ADGRB3: variants seen among roughly 807,000 people sequenced by gnomAD.
The protein encoded by ADGRB3 is adhesion G protein-coupled receptor B3.
A neutral mutation model predicts 193.4 loss-of-function variants in ADGRB3; 37 were observed. That is an observed-to-expected ratio of 0.19 (90% CI 0.15 to 0.25). The LOEUF (loss-of-function observed/expected upper bound fraction) is 0.25, where lower values mean the gene tolerates loss of function less well. ADGRB3 is among the 10% of genes least tolerant of loss of function. The pLI is 1.00. For missense variants in ADGRB3, 1,637 were observed against 1,852.9 expected (o/e 0.88, Z 2.14); for synonymous variants, 690 against 644.2 (o/e 1.07, Z -1.08).
chr6:69,098,363 T>C (rs775868498), intron 17 of ADGRB3, among the ~76,000 whole-genome samples: 14 of 152,172 alleles, frequency 9.2e-5, no homozygotes, highest in Non-Finnish European at 1.3e-4. Flanking sequence ...TATAAACTTA[T>C]TATGTATTAA....
Position 68,717,608 on chromosome 6 carries a change from A to G in ADGRB3, c.757+78176A>G, listed in dbSNP as rs1765509442. Among the ~76,000 whole-genome samples, 3 of 150,638 alleles carry G rather than the reference A, an allele frequency of 2.0e-5. No individual in the cohort carries two copies. The Admixed American group carries it at 2.0e-4, about 10-fold the overall frequency. On this transcript the variant is annotated intron_variant, in intron 3 of 31. Transcript: ENST00000370598. ...GTACTGGGAAAGCGCTGGAAGCACC[A>G]TTTTTTTTTAAGAATTTCATGTACT...
At chr6:68,674,034 A>C (rs1475394655) in intron 3 of ADGRB3, among the ~76,000 whole-genome samples, 1 of 152,172 alleles carries the variant, frequency 6.6e-6, no homozygotes, top group African/African-American at 2.4e-5. Context: ...CCAAAGCCAA[A>C]GTCATTTCTA....
chr6:68,810,434 A>T (rs917505283), intron 3 of ADGRB3, among the ~76,000 whole-genome samples: 1 of 152,190 alleles, frequency 6.6e-6, no homozygotes, highest in Admixed American at 6.5e-5. Context: ...GCTTTTCAAA[A>T]TATGGTTCAG....
chr6:69,316,033 AT>A (rs534955041), intron 20 of ADGRB3, among the ~76,000 whole-genome samples: 3 of 151,138 alleles, frequency 2.0e-5, no homozygotes, highest in African/African-American at 4.8e-5. Context: ...TATCCCATTA[AT>A]TTTTTTATAT....
At chr6:69,097,347 A>G (rs528967344) in intron 17 of ADGRB3, among the ~76,000 whole-genome samples, 1 of 152,324 alleles carries the variant, frequency 6.6e-6, no homozygotes, top group African/African-American at 2.4e-5. Flanking sequence ...GTATTTTTTA[A>G]CTATCTGCTA....
intron 3 of ADGRB3, among the ~76,000 whole-genome samples, chr6:68,738,660 A>T (rs1287422220): frequency 1.3e-5 from 2 of 152,198 alleles, no homozygotes; most frequent in Non-Finnish European, 2.9e-5. Flanking sequence ...ACTGACGTTA[A>T]GGTTTTTGGC....
intron 17 of ADGRB3, among the ~76,000 whole-genome samples, chr6:69,214,714 C>T (rs891694235): frequency 5.3e-5 from 8 of 151,664 alleles, no homozygotes; most frequent in Admixed American, 4.6e-4. Context: ...CACAATTGCC[C>T]ATGTCTCAGT....
In ADGRB3 at chr6:69,102,936, A is replaced by G. The variant is rs1773105644; in HGVS notation, c.2480+26898A>G. Among the ~76,000 whole-genome samples the G allele has an allele frequency of 2.6e-5, 4 of 152,216 alleles. No homozygotes were observed. In the South Asian group the frequency reaches 8.3e-4, roughly 32 times the overall value. On this transcript the variant is annotated intron_variant, in intron 17 of 31. Transcript: ENST00000370598. ...TGTTGTAAGAATAGACAACCATAGA[A>G]TCAAAAGTGTAATTTACTTCATTCT...
At chr6:69,204,748 T>C (rs1372310197) in intron 17 of ADGRB3, among the ~76,000 whole-genome samples, 2 of 152,192 alleles carry the variant, frequency 1.3e-5, no homozygotes, top group Non-Finnish European at 2.9e-5. Context: ...ATTGTTGGGT[T>C]CTTTTTTTCT....
intron 17 of ADGRB3, among the ~76,000 whole-genome samples, chr6:69,195,704 GT>G (rs895185254): frequency 3.3e-5 from 5 of 149,346 alleles, no homozygotes; most frequent in East Asian, 3.9e-4. Flanking sequence ...AATACACAAA[GT>G]TTTTTTTTTG....
intron 3 of ADGRB3, among the ~76,000 whole-genome samples, chr6:68,646,466 A>C (rs1768216936): frequency 6.8e-6 from 1 of 148,108 alleles, no homozygotes; most frequent in Non-Finnish European, 1.5e-5. Flanking sequence ...AACAAGAGCG[A>C]AACTCTGTCA....
Position 68,974,771 on chromosome 6 carries a change from G to C in ADGRB3, c.1534G>C (p.Glu512Gln). Residue 512 changes from glutamate to glutamine, a missense_variant, in exon 9 of 32, where the codon GAA becomes CAA. By Grantham distance (29) the Glu-to-Gln change is conservative. Coordinates refer to ENST00000370598, the MANE Select transcript of ADGRB3 (RefSeq NM_001704.3). ...TTTGTTTAAAATTGCAGCACCTTAT[G>C]AAATATGCCCTGAGGATTATCTGAT... ...CNEQRCPAPY[E>Q]ICPEDYLMSM... 1 of 1,613,670 alleles carries C rather than the reference G, an allele frequency of 6.2e-7. No homozygotes were observed. Among genetic ancestry groups the C allele is most frequent in the Non-Finnish European group, 8.5e-7 (1 of 1,179,734 alleles).
chr6:69,119,952 A>G (rs1773638395), intron 17 of ADGRB3, among the ~76,000 whole-genome samples: 1 of 152,158 alleles, frequency 6.6e-6, no homozygotes, highest in African/African-American at 2.4e-5. Flanking sequence ...TATTTCAGTG[A>G]GCCAGATGAG....
intron 8 of ADGRB3, among the ~76,000 whole-genome samples, chr6:68,966,414 C>T (rs902119683): frequency 1.6e-4 from 24 of 152,084 alleles, no homozygotes; most frequent in African/African-American, 5.8e-4. Flanking sequence ...TCATATATTA[C>T]CCCTCCTCCT....
chr6:69,051,445 T>C (rs553060680), intron 15 of ADGRB3, among the ~76,000 whole-genome samples: 2 of 152,338 alleles, frequency 1.3e-5, no homozygotes, highest in African/African-American at 4.8e-5. Flanking sequence ...ACCTGTACAT[T>C]CTTTGTATCC....
chr6:68,681,718 A>AGCAAATCAT (rs1156316256), intron 3 of ADGRB3, among the ~76,000 whole-genome samples: 6 of 145,712 alleles, frequency 4.1e-5, no homozygotes, highest in African/African-American at 1.5e-4. Flanking sequence ...ACAACATCAA[A>AGCAAATCAT]AACAACAAAA....
At chr6:68,901,537 C>A (rs1049939015) in intron 3 of ADGRB3, among the ~76,000 whole-genome samples, 1 of 152,188 alleles carries the variant, frequency 6.6e-6, no homozygotes, top group Non-Finnish European at 1.5e-5. Context: ...ATGTGGAGGT[C>A]ATTGGGAACC....
At chr6:68,887,391 G>A (rs1426205136) in intron 3 of ADGRB3, among the ~76,000 whole-genome samples, 1 of 152,018 alleles carries the variant, frequency 6.6e-6, no homozygotes, top group Non-Finnish European at 1.5e-5. Flanking sequence ...ATTATTTTAT[G>A]TGTATTGGTT....
At chr6:69,162,220 T>A (rs911109837) in intron 17 of ADGRB3, among the ~76,000 whole-genome samples, 3 of 152,108 alleles carry the variant, frequency 2.0e-5, no homozygotes, top group Non-Finnish European at 4.4e-5. Flanking sequence ...AGTTCTTGCA[T>A]AACGACTTTT....
Sources: gnomAD v4.1 joint callset for allele counts (sites outside exome capture counted in the v4.1 genomes callset) on GRCh38, gnomAD v4.1.1 for gene constraint, MANE v1.5 for transcripts, NCBI Gene and HGNC (gene_info 2026-07-23, HGNC 2026-07-21) for gene names.